Variants in PLXNA4 observed in about 807,000 individuals in gnomAD.
The protein encoded by PLXNA4 is plexin-A4.
PLXNA4 carries 44 observed loss-of-function variants against 191.8 expected under a neutral mutation model. That is an observed-to-expected ratio of 0.23 (90% CI 0.18 to 0.29). The LOEUF (loss-of-function observed/expected upper bound fraction) is 0.29, where lower values mean the gene tolerates loss of function less well. Ranked by LOEUF, PLXNA4 falls within the 10% of genes least tolerant of loss-of-function variation. PLXNA4 has a pLI of 1.00. For synonymous variants in PLXNA4, 1,082 were observed against 1,009.5 expected (o/e 1.07, Z -1.36); for missense variants, 1,800 against 2,488.8 (o/e 0.72, Z 5.89).
At chr7:132,369,390 C>T (rs1478487298) in intron 3 of PLXNA4, among the ~76,000 whole-genome samples, 1 of 152,144 alleles carries the variant, frequency 6.6e-6, no homozygotes. Flanking sequence ...GGGGAGGAGT[C>T]CCCAAGCCTG....
chr7:132,373,972 C>T (rs1468692749), intron 3 of PLXNA4, among the ~76,000 whole-genome samples: 1 of 152,150 alleles, frequency 6.6e-6, no homozygotes, highest in Non-Finnish European at 1.5e-5. Flanking sequence ...GCTCAGGTGG[C>T]CGGGGGCTCC....
chr7:132,538,354 T>G (rs1799935775), intron 1 of PLXNA4, among the ~76,000 whole-genome samples: 1 of 152,196 alleles, frequency 6.6e-6, no homozygotes. Flanking sequence ...GTCTGAAGCC[T>G]GGAGCATCAC....
intron 4 of PLXNA4, among the ~76,000 whole-genome samples, chr7:132,268,269 T>C (rs1799929338): frequency 6.6e-6 from 1 of 152,220 alleles, no homozygotes; most frequent in African/African-American, 2.4e-5. Context: ...CACAGGGGAA[T>C]GCATGCAGGT....
intron 30 of PLXNA4, among the ~76,000 whole-genome samples, chr7:132,135,659 A>AGTATATATGTGTGT (rs897751247): frequency 3.9e-5 from 6 of 152,174 alleles, no homozygotes; most frequent in African/African-American, 1.4e-4. Flanking sequence ...AATATCTAGA[A>AGTATATATGTGTGT]GTATATATGT....
At chr7:132,333,115 A>T in intron 3 of PLXNA4, among the ~76,000 whole-genome samples, 1 of 152,226 alleles carries the variant, frequency 6.6e-6, no homozygotes, top group Non-Finnish European at 1.5e-5. Context: ...TCCAAAGGAC[A>T]TTCCTGGTTT....
chr7:132,563,649 TC>T (rs1306919901), intron 1 of PLXNA4, among the ~76,000 whole-genome samples: 4 of 38,216 alleles, frequency 1.0e-4, no homozygotes, highest in Non-Finnish European at 2.1e-4. Context: ...TCCTCCTCCT[TC>T]TCCTCTTCCT....
At chr7:132,286,448 A>G (rs1800686830) in intron 4 of PLXNA4, among the ~76,000 whole-genome samples, 9 of 152,204 alleles carry the variant, frequency 5.9e-5, no homozygotes, top group Admixed American at 2.6e-4. Flanking sequence ...AGAAGGCGCA[A>G]TAATTGTCAG....
chr7:132,243,263 C>T (rs1015275393), intron 4 of PLXNA4, among the ~76,000 whole-genome samples: 2 of 152,162 alleles, frequency 1.3e-5, no homozygotes, highest in Admixed American at 6.5e-5. Flanking sequence ...TCATATGTTC[C>T]AGCTGCTTGT....
At chr7:132,447,427 T>C (rs904114523) in intron 3 of PLXNA4, among the ~76,000 whole-genome samples, 7 of 152,108 alleles carry the variant, frequency 4.6e-5, no homozygotes, top group South Asian at 4.2e-4. Flanking sequence ...TAAGTACTGA[T>C]GTTTTCAGCC....
At chr7:132,613,195 T>C (rs960980048) in intron 2 of PLXNA4, among the ~76,000 whole-genome samples, 2 of 152,148 alleles carry the variant, frequency 1.3e-5, no homozygotes, top group South Asian at 4.1e-4. Context: ...CTCCCTGGGC[T>C]TAGCACACCT....
chr7:132,504,264 C>T (rs1488398578), intron 2 of PLXNA4, among the ~76,000 whole-genome samples: 1 of 152,232 alleles, frequency 6.6e-6, no homozygotes, highest in Non-Finnish European at 1.5e-5. Flanking sequence ...GCCCAGTGCT[C>T]TGTGGATGCT....
rs143106710 is a variant in PLXNA4 at position 132,135,094 on chromosome 7, C to A, written c.5439-1895G>T. Among the ~76,000 whole-genome samples, 21 of 152,336 alleles carry A rather than the reference C, an allele frequency of 1.4e-4. No individual in the cohort carries two copies. The East Asian group carries it at 4.0e-3, about 29-fold the overall frequency. ...ATTTCAGTAGTAGCTCCCAACCTTGCCATTCCCAAGGAGATTTGTGTCATT... is the reference window on the plus strand; with the variant it reads ...ATTTCAGTAGTAGCTCCCAACCTTGACATTCCCAAGGAGATTTGTGTCATT... On this transcript the variant is annotated intron_variant, in intron 30 of 31. Coordinates refer to ENST00000321063, the MANE Select transcript of PLXNA4 (RefSeq NM_020911.2).
chr7:132,180,543 C>T (rs765559357), intron 19 of PLXNA4, 43 bp downstream of exon 19: 25 of 1,609,658 alleles, frequency 1.6e-5, no homozygotes, highest in Non-Finnish European at 2.1e-5. Context: ...CATCTGCATC[C>T]CTACTGCCCG....
chr7:132,239,292 G>C (rs1798802976), intron 5 of PLXNA4, among the ~76,000 whole-genome samples: 1 of 152,138 alleles, frequency 6.6e-6, no homozygotes, highest in South Asian at 2.1e-4. Context: ...GGGAGGTGGG[G>C]GTTCTCACAG....
chr7:132,244,400 G>T (rs1433919783), intron 4 of PLXNA4, among the ~76,000 whole-genome samples: 12 of 152,190 alleles, frequency 7.9e-5, no homozygotes, highest in African/African-American at 2.9e-4. Context: ...CATCTGGGCA[G>T]CTAGAGCTTT....
chr7:132,413,252 C>A (rs1429841988), intron 3 of PLXNA4, among the ~76,000 whole-genome samples: 1 of 152,182 alleles, frequency 6.6e-6, no homozygotes, highest in Non-Finnish European at 1.5e-5. Context: ...AGCCTGGAAG[C>A]AACTCTGAAG....
intron 25 of PLXNA4, among the ~76,000 whole-genome samples, chr7:132,157,561 C>T (rs1268775112): frequency 1.3e-5 from 2 of 152,224 alleles, no homozygotes; most frequent in East Asian, 1.9e-4. Flanking sequence ...CAGCTGCATG[C>T]AGGTGCTCCT....
At chr7:132,597,606 TTC>T (rs1802736746) in intron 2 of PLXNA4, among the ~76,000 whole-genome samples, 1 of 152,054 alleles carries the variant, frequency 6.6e-6, no homozygotes, top group Non-Finnish European at 1.5e-5. Context: ...CATTCATTCA[TTC>T]ATGTATTTAT....
At chr7:132,478,700 A>T (rs1441515362) in intron 3 of PLXNA4, among the ~76,000 whole-genome samples, 1 of 152,218 alleles carries the variant, frequency 6.6e-6, no homozygotes. Context: ...TCCCATGGGA[A>T]TACCTGGAAC....
Sources: gnomAD v4.1 joint callset for allele counts (sites outside exome capture counted in the v4.1 genomes callset) on GRCh38, gnomAD v4.1.1 for gene constraint, MANE v1.5 for transcripts, NCBI Gene and HGNC (gene_info 2026-07-23, HGNC 2026-07-21) for gene names.